ANKRD44: variants seen among roughly 807,000 people sequenced by gnomAD.
ANKRD44 encodes the protein ankyrin repeat domain 44.
A neutral mutation model predicts 116.0 loss-of-function variants in ANKRD44; 35 were observed. The observed-to-expected ratio is 0.30, with a 90% confidence interval of 0.23 to 0.40. ANKRD44 has a LOEUF of 0.40. ANKRD44 is among the 10% of genes least tolerant of loss of function. The probability of loss-of-function intolerance (pLI) is 1.00; values close to 1 mark genes in which losing one functional copy is unlikely to be tolerated. For synonymous variants in ANKRD44, 435 were observed against 461.8 expected (o/e 0.94, Z 0.74); for missense variants, 1,014 against 1,242.6 (o/e 0.82, Z 2.77).
intron 1 of ANKRD44, among the ~76,000 whole-genome samples, chr2:197,240,789 A>C (rs909729287): frequency 1.4e-5 from 2 of 146,492 alleles, no homozygotes; most frequent in African/African-American, 2.6e-5. Context: ...ATAATAACCA[A>C]ATCTCACAGT....
At chr2:197,215,329 A>T (rs942907517) in intron 1 of ANKRD44, among the ~76,000 whole-genome samples, 5 of 152,214 alleles carry the variant, frequency 3.3e-5, no homozygotes, top group Non-Finnish European at 7.3e-5. Context: ...TTTCAACTGA[A>T]GATTTTTCTT....
At chr2:197,150,837 A>C (rs1186658010) in intron 2 of ANKRD44, among the ~76,000 whole-genome samples, 1 of 152,112 alleles carries the variant, frequency 6.6e-6, no homozygotes, top group East Asian at 1.9e-4. Flanking sequence ...GAGAACTAGA[A>C]CTGCGACCTC....
chr2:197,035,141 C>T (rs78544760), intron 16 of ANKRD44, among the ~76,000 whole-genome samples: 14,612 of 152,126 alleles, frequency 0.096, 918 homozygotes, highest in African/African-American at 0.17. Context: ...CAAGAACAAA[C>T]AGGAGCTCAA....
intron 9 of ANKRD44, among the ~76,000 whole-genome samples, chr2:197,106,651 G>A (rs1181759462): frequency 6.6e-6 from 1 of 151,668 alleles, no homozygotes; most frequent in African/African-American, 2.4e-5. Flanking sequence ...TTAGCTGGGC[G>A]TGGTGGCAGG....
chr2:196,970,372 T>G (rs1220169094), intron 21 of ANKRD44, among the ~76,000 whole-genome samples: 1 of 152,216 alleles, frequency 6.6e-6, no homozygotes, highest in African/African-American at 2.4e-5. Flanking sequence ...GAGAAATTAC[T>G]GAGTCAAATC....
chr2:197,016,171 C>T (rs2076389465), intron 17 of ANKRD44, among the ~76,000 whole-genome samples: 1 of 152,178 alleles, frequency 6.6e-6, no homozygotes. Flanking sequence ...GTTACCGCAG[C>T]TTAAGCAGGA....
At chr2:197,245,010 C>T (rs1452347604) in intron 1 of ANKRD44, among the ~76,000 whole-genome samples, 2 of 152,156 alleles carry the variant, frequency 1.3e-5, no homozygotes, top group African/African-American at 4.8e-5. Context: ...TGTGGTAGCT[C>T]ATGCCTGTAA....
At chr2:197,162,562 G>A (rs539706897) in intron 2 of ANKRD44, among the ~76,000 whole-genome samples, 1 of 152,224 alleles carries the variant, frequency 6.6e-6, no homozygotes, top group East Asian at 1.9e-4. Context: ...TTAGACATAA[G>A]GACAATGTTT....
rs138658778 is a variant in ANKRD44, at chr2:197,157,119, C to T, written c.112-10014G>A. ...GTATGTCAATTATATTTCAATTAAG[C>T]GGTTTCATAAATACATAAGCAGGCA... On this transcript the variant is annotated intron_variant, in intron 2 of 27. Coordinates refer to ENST00000282272, the MANE Select transcript of ANKRD44 (RefSeq NM_001195144.2). 1.9e-4 allele frequency among the ~76,000 whole-genome samples: 29 copies of T among 152,054 alleles called. 1 individual carries two copies. In the East Asian group the frequency reaches 4.4e-3, roughly 23 times the overall value.
intron 10 of ANKRD44, among the ~76,000 whole-genome samples, chr2:197,093,379 T>C (rs1044742085): frequency 5.9e-5 from 9 of 152,330 alleles, no homozygotes; most frequent in Admixed American, 2.0e-4. Context: ...AACCCATCTT[T>C]GTATAATTCA....
intron 4 of ANKRD44, among the ~76,000 whole-genome samples, chr2:197,127,839 C>G (rs2079010596): frequency 6.6e-6 from 1 of 152,094 alleles, no homozygotes. Flanking sequence ...CACTGACAGG[C>G]CCCAGTGTGT....
chr2:197,035,200 C>T (rs945858750), intron 16 of ANKRD44, among the ~76,000 whole-genome samples: 22 of 152,244 alleles, frequency 1.4e-4, no homozygotes, highest in Middle Eastern at 3.4e-3. Flanking sequence ...TCTTATCATC[C>T]AAATTTGTGA....
At chr2:197,295,778 G>T (rs768997191) in intron 1 of ANKRD44, among the ~76,000 whole-genome samples, 2 of 152,118 alleles carry the variant, frequency 1.3e-5, no homozygotes, top group Middle Eastern at 3.2e-3. Flanking sequence ...AAGCAAGGCT[G>T]GGCACGGTGG....
At chr2:197,057,072 T>G (rs2077217213) in intron 16 of ANKRD44, among the ~76,000 whole-genome samples, 1 of 152,222 alleles carries the variant, frequency 6.6e-6, no homozygotes. Flanking sequence ...ATATTTGTCT[T>G]GTTCCTACTA....
At chr2:197,192,065 TC>T (rs2080837366) in intron 1 of ANKRD44, among the ~76,000 whole-genome samples, 1 of 152,224 alleles carries the variant, frequency 6.6e-6, no homozygotes, top group Admixed American at 6.5e-5. Flanking sequence ...ATCCACTCCA[TC>T]CGGCTATGAA....
At chr2:197,256,268 G>A (rs1262924075) in intron 1 of ANKRD44, among the ~76,000 whole-genome samples, 1 of 152,278 alleles carries the variant, frequency 6.6e-6, no homozygotes, top group South Asian at 2.1e-4. Context: ...ATCACTAGGT[G>A]TCTAAACTTG....
At chr2:197,009,138 C>A in intron 18 of ANKRD44, 107 bp from the exon 19 acceptor site, 1 of 871,998 alleles carries the variant, frequency 1.1e-6, no homozygotes, top group Non-Finnish European at 1.8e-6. Context: ...TGTCGCCAGG[C>A]TGGAGTGCAG....
rs1273716745 is a variant in ANKRD44, at chr2:197,201,486, A to G, written c.28-14380T>C. On this transcript the variant is annotated intron_variant, in intron 1 of 27. Coordinates refer to ENST00000282272, the MANE Select transcript of ANKRD44 (RefSeq NM_001195144.2). This position sits in a 1 kb window ranked among gnomAD's most constrained non-coding sequence, Gnocchi z 4.0. ...CCTTTGGCCTCCTCTGGCCCAACTG[A>G]CATAACTGAGGTTGGTTCCTTTCCT... 2.6e-5 allele frequency among the ~76,000 whole-genome samples: 4 copies of G among 152,114 alleles called. No individual in the cohort carries two copies. In the East Asian group the frequency reaches 7.7e-4, roughly 29 times the overall value.
At chr2:197,211,602 T>TA (rs971142649) in intron 1 of ANKRD44, among the ~76,000 whole-genome samples, 2 of 152,060 alleles carry the variant, frequency 1.3e-5, no homozygotes, top group African/African-American at 4.8e-5. Context: ...TTAACTAACT[T>TA]AAAAAAATTA....
Sources: allele counts gnomAD v4.1 joint callset (sites outside exome capture counted in the v4.1 genomes callset), GRCh38; gene constraint gnomAD v4.1.1; non-coding constraint Gnocchi (gnomAD v3.1); transcripts MANE v1.5; gene names NCBI Gene and HGNC (gene_info 2026-07-23, HGNC 2026-07-21).